The following TRIML2 variants were observed in gnomAD, a reference collection of about 807,000 sequenced individuals.
TRIML2 encodes tripartite motif family like 2, also known as probable E3 ubiquitin-protein ligase TRIML2.
In TRIML2, 28 loss-of-function variants were observed where a neutral mutation model predicts 31.2. The observed-to-expected ratio is 0.90, with a 90% confidence interval of 0.66 to 1.23. The LOEUF (loss-of-function observed/expected upper bound fraction) is 1.23. Ranked by LOEUF, TRIML2 falls within the 50% of genes most tolerant of loss-of-function variation. The pLI is 0.00. For synonymous variants in TRIML2, 187 were observed against 197.5 expected (o/e 0.95, Z 0.45); for missense variants, 536 against 528.3 (o/e 1.01, Z -0.14).
intron 1 of TRIML2, among the ~76,000 whole-genome samples, chr4:188,107,607 A>G (rs1734094686): frequency 6.6e-6 from 1 of 152,238 alleles, no homozygotes; most frequent in African/African-American, 2.4e-5. Context: ...AAACTTTTGG[A>G]TCATTGCCCA....
At chr4:188,104,270 C>G in intron 3 of TRIML2, among the ~76,000 whole-genome samples, 1 of 152,194 alleles carries the variant, frequency 6.6e-6, no homozygotes, top group East Asian at 1.9e-4. Context: ...CAAATTCTTT[C>G]AATGTATTTA....
chr4:188,093,611 G>A (rs369519464), intron 7 of TRIML2, among the ~76,000 whole-genome samples: 3 of 152,100 alleles, frequency 2.0e-5, no homozygotes, highest in South Asian at 4.1e-4. Flanking sequence ...GCAGTGAGCC[G>A]AGATCATGCC....
At position 188,099,029 on chromosome 4, in the gene TRIML2, T is replaced by G. The variant is rs765843617; in HGVS notation, c.621+6A>C. The G allele has an allele frequency of 6.2e-7, 1 of 1,614,120 alleles. No homozygotes were observed. Among genetic ancestry groups the G allele is most frequent in the Non-Finnish European group, 8.5e-7 (1 of 1,180,006 alleles). On this transcript the variant is annotated splice_donor_region_variant and intron_variant, in intron 5 of 7. Coordinates refer to ENST00000682553, the MANE Select transcript of TRIML2 (RefSeq NM_173553.4). ...GAATTTTATTTTCTTTTTCCCAGCA[T>G]CTTACCTTGAGCAATGCCAAGGTGC...
At chr4:188,094,154 C>T (rs1034331132) in intron 7 of TRIML2, among the ~76,000 whole-genome samples, 10 of 151,700 alleles carry the variant, frequency 6.6e-5, no homozygotes, top group Middle Eastern at 3.2e-3. Flanking sequence ...CAACAAAAAG[C>T]GCTATAGCTG....
At chr4:188,096,994 G>A (rs1397494167) in intron 7 of TRIML2, 67 bp downstream of exon 7, 1 of 1,179,840 alleles carries the variant, frequency 8.5e-7, no homozygotes, top group Non-Finnish European at 1.3e-6. Context: ...TTCATTTATG[G>A]CAGGATGGTC....
At position 188,104,893 on chromosome 4, in the gene TRIML2, G is replaced by A. The variant is rs750848428; in HGVS notation, c.229C>T (p.Leu77Phe). 2.5e-6 allele frequency: 4 copies of A among 1,613,946 alleles called. No individual in the cohort carries two copies. Among genetic ancestry groups the A allele is most frequent in the South Asian group, 2.2e-5 (2 of 91,080 alleles). Residue 77 changes from leucine (L) to phenylalanine (F), a missense_variant, in exon 3 of 8, where the codon CTT (leucine) becomes TTT (phenylalanine). Leu to Phe is a conservative substitution (Grantham distance 22, BLOSUM62 0). Transcript: ENST00000682553. ...GTCAATATGCTTTTAGCTGCTTCAAGTTTCTCCCTCGATGTGTTCAATATT... is the reference window on the plus strand; with the variant it reads ...GTCAATATGCTTTTAGCTGCTTCAAATTTCTCCCTCGATGTGTTCAATATT... ...QEILNTSREKLEAAKSILTDE... is the reference protein window; with the variant it reads ...QEILNTSREKFEAAKSILTDE...
In TRIML2 at chr4:188,099,139, G is replaced by T; in HGVS notation, c.517C>A (p.Leu173Met). The change falls in exon 5 of 8, where the codon CTG (leucine) becomes ATG (methionine). Residue 173 changes from leucine to methionine, a missense_variant. By Grantham distance (15) the Leu-to-Met change is conservative. Transcript: ENST00000682553. ...GAAGCCCTGGCTTCACTCTCCTTCA[G>T]TTTCTCCATGTTCTCTCTCCCCACA... ...GRVGRENMEKLKESEARASEQ... is the reference protein window; with the variant it reads ...GRVGRENMEKMKESEARASEQ... 6.2e-7 allele frequency: 1 copy of T among 1,613,038 alleles called. No homozygotes were observed. Among genetic ancestry groups the T allele is most frequent in the South Asian group, 1.1e-5 (1 of 90,866 alleles).
intron 4 of TRIML2, among the ~76,000 whole-genome samples, chr4:188,100,595 A>G (rs1437935976): frequency 6.6e-6 from 1 of 151,840 alleles, no homozygotes; most frequent in Non-Finnish European, 1.5e-5. Flanking sequence ...AGTGGCGGGC[A>G]CCTGTAATCC....
intron 1 of TRIML2, among the ~76,000 whole-genome samples, chr4:188,108,798 C>G (rs565521862): frequency 6.6e-6 from 1 of 152,298 alleles, no homozygotes; most frequent in South Asian, 2.1e-4. Context: ...CATCACTACT[C>G]AATTTGAAAT....
intron 1 of TRIML2, chr4:188,106,074 G>A (rs1243734871): frequency 6.6e-6 from 1 of 151,446 alleles, no homozygotes; most frequent in African/African-American, 2.4e-5. Context: ...TTTTGAGACG[G>A]AGTCTCGCTC....
At chr4:188,109,052 G>T (rs1179089538) in intron 1 of TRIML2, among the ~76,000 whole-genome samples, 191 bp downstream of exon 1, 2 of 152,008 alleles carry the variant, frequency 1.3e-5, no homozygotes, top group Non-Finnish European at 2.9e-5. Flanking sequence ...TACAGAAACA[G>T]CAAAGGAAAA....
intron 7 of TRIML2, 23 bp downstream of exon 7, chr4:188,097,038 A>G: frequency 6.7e-7 from 1 of 1,487,740 alleles, no homozygotes; most frequent in Non-Finnish European, 9.4e-7. Context: ...GTGCCCTGTG[A>G]GTATTCACAT....
At chr4:188,093,123 C>T in intron 7 of TRIML2, 3 of 274,168 alleles carry the variant, frequency 1.1e-5, no homozygotes, top group Non-Finnish European at 2.2e-5. Flanking sequence ...CAGTTCACAG[C>T]TCCCTCATTG....
chr4:188,101,170 C>A lies in TRIML2; in HGVS notation c.366G>T (p.Gln122His), dbSNP rs79698746. 1.9e-6 allele frequency: 3 copies of A among 1,613,518 alleles called. No homozygotes were observed. Among genetic ancestry groups the A allele is most frequent in the Non-Finnish European group, 2.5e-6 (3 of 1,179,970 alleles). The change falls in exon 4 of 8, where the codon CAG (glutamine) becomes CAT (histidine). Residue 122 changes from glutamine to histidine, a missense_variant. By Grantham distance (24) the Gln-to-His change is conservative. Transcript: ENST00000682553. Reference protein sequence around the residue: ...RLRLLNEECEQNLQRQQECIS... With the variant: ...RLRLLNEECEHNLQRQQECIS... ...TGCATTCCTGCTGTCTCTGGAGATT[C>A]TGCTCACACTCTTCATTCAACAACC...
At chr4:188,098,122 GGAA>G in intron 5 of TRIML2, 1 of 275,390 alleles carries the variant, frequency 3.6e-6, no homozygotes, top group South Asian at 2.7e-5. Flanking sequence ...TCCGTCTCGG[GGAA>G]AAAAAAAAAA....
At chr4:188,097,490 T>C in intron 5 of TRIML2, 144 bp from the exon 6 acceptor site, 1 of 785,586 alleles carries the variant, frequency 1.3e-6, no homozygotes, top group East Asian at 2.5e-5. Flanking sequence ...GATGAACAAA[T>C]TCTAACATGG....
In TRIML2 at chr4:188,109,481, T is replaced by A. The variant is rs2172343; in HGVS notation, c.-461A>T. On this transcript the variant is annotated 5_prime_UTR_variant, in exon 1 of 8. Transcript: ENST00000682553. ...TTTGTAGAGACGGGGTTTCAGTATT[T>A]TTCCCAGGCTGGTCTTGAACTCCTG... The A allele has an allele frequency of 0.37, 55,249 of 151,158 alleles. 10,948 individuals are homozygous for A. Among genetic ancestry groups the A allele is most frequent in the Middle Eastern group, 0.51 (146 of 288 alleles). 9.4% of individuals were successfully genotyped at this position (151,158 alleles called of 1,614,324 possible).
At chr4:188,106,211 G>A (rs1047705603) in intron 1 of TRIML2, among the ~76,000 whole-genome samples, 3 of 152,066 alleles carry the variant, frequency 2.0e-5, no homozygotes, top group East Asian at 1.9e-4. Flanking sequence ...CACCTCGCCC[G>A]GCTAATTTTT....
Position 188,097,345 on chromosome 4 carries a change from T to A in TRIML2, c.623A>T (p.Asn208Ile). Residue 208 changes from asparagine to isoleucine, a missense_variant and splice_region_variant, in exon 6 of 8, where the codon AAT becomes ATT. Asn to Ile is a moderately radical substitution (Grantham distance 149). Transcript: ENST00000682553. ...TCACCTTTCTAAAGAGTATTTTGCA[T>A]TCTAAGGGAAAGAAAAGAGACCAGG... ...CGEGTLALLK[N>I]AKYSLERSKS... 6.2e-7 allele frequency: 1 copy of A among 1,614,052 alleles called. No individual in the cohort carries two copies. The highest frequency in any genetic ancestry group is 8.5e-7 in the Non-Finnish European group (1 of 1,179,964).
Sources: gnomAD v4.1 joint callset for allele counts (sites outside exome capture counted in the v4.1 genomes callset) on GRCh38, gnomAD v4.1.1 for gene constraint, MANE v1.5 for transcripts, NCBI Gene and HGNC (gene_info 2026-07-23, HGNC 2026-07-21) for gene names.